Variants in ANK3 observed in about 807,000 individuals in gnomAD.
ANK3 encodes the protein ankyrin 3, also known as ankyrin-3.
A neutral mutation model predicts 370.9 loss-of-function variants in ANK3; 57 were observed. The ratio of observed to expected loss-of-function variants is 0.15; its 90% confidence interval spans 0.12 to 0.19. The LOEUF is 0.19. ANK3 is among the 10% of genes least tolerant of loss of function. The pLI, the probability that ANK3 is intolerant of heterozygous loss-of-function variation, is 1.00. For missense variants in ANK3, 4,439 were observed against 5,302.1 expected (o/e 0.84, Z 5.06); for synonymous variants, 1,929 against 1,946.3 (o/e 0.99, Z 0.23).
At chr10:60,458,652 G>A (rs2064810696) in intron 2 of ANK3, among the ~76,000 whole-genome samples, 1 of 152,136 alleles carries the variant, frequency 6.6e-6, no homozygotes, top group Admixed American at 6.6e-5. Context: ...TGGATGACTA[G>A]ATGAGAGAAA....
At chr10:60,109,916 C>G (rs2092563912) in intron 26 of ANK3, among the ~76,000 whole-genome samples, 1 of 152,160 alleles carries the variant, frequency 6.6e-6, no homozygotes, top group South Asian at 2.1e-4. Context: ...AGAGTTATAA[C>G]ACAGTTATCG....
chr10:60,104,525 G>A (rs2091900733), intron 28 of ANK3, among the ~76,000 whole-genome samples: 1 of 151,954 alleles, frequency 6.6e-6, no homozygotes, highest in African/African-American at 2.4e-5. Context: ...CTTATAAGTG[G>A]AATTAAAACC....
At chr10:60,514,626 G>A (rs1228098845) in intron 2 of ANK3, among the ~76,000 whole-genome samples, 1 of 151,878 alleles carries the variant, frequency 6.6e-6, no homozygotes, top group East Asian at 1.9e-4. Flanking sequence ...AAACAAATAG[G>A]AAAAACACAA....
chr10:60,465,807 C>CA (rs2064999491), intron 2 of ANK3, among the ~76,000 whole-genome samples: 1 of 76,652 alleles, frequency 1.3e-5, no homozygotes, highest in Non-Finnish European at 2.7e-5. Context: ...TTTTTTTTTT[C>CA]AAAAAAAGAG....
intron 25 of ANK3, among the ~76,000 whole-genome samples, chr10:60,115,515 C>T (rs2093021647): frequency 6.6e-6 from 1 of 152,138 alleles, no homozygotes; most frequent in African/African-American, 2.4e-5. Flanking sequence ...CCCAGGCCAT[C>T]CCGATTCTGA....
At chr10:60,370,117 A>G (rs956832359) in intron 1 of ANK3, among the ~76,000 whole-genome samples, 2 of 152,206 alleles carry the variant, frequency 1.3e-5, no homozygotes, top group Non-Finnish European at 2.9e-5. Flanking sequence ...CAATCTTTCA[A>G]TAAAGGTAGC....
chr10:60,288,843 C>T (rs932574895), intron 1 of ANK3, among the ~76,000 whole-genome samples: 2 of 150,902 alleles, frequency 1.3e-5, no homozygotes, highest in East Asian at 3.9e-4. Context: ...TCTGTGGGTC[C>T]TTGTTGTCAA....
intron 43 of ANK3, among the ~76,000 whole-genome samples, chr10:60,038,132 C>T (rs886881461): frequency 6.6e-6 from 1 of 152,180 alleles, no homozygotes; most frequent in Non-Finnish European, 1.5e-5. Flanking sequence ...CACAGTGGCT[C>T]ACGCCCGTAA....
intron 1 of ANK3, among the ~76,000 whole-genome samples, chr10:60,386,363 T>C (rs958828441): frequency 2.0e-5 from 3 of 151,958 alleles, no homozygotes; most frequent in African/African-American, 7.3e-5. Context: ...CAAACTTTTT[T>C]TTTTCAAGCC....
intron 9 of ANK3, among the ~76,000 whole-genome samples, chr10:60,208,884 G>C (rs970974791): frequency 5.9e-5 from 9 of 152,158 alleles, no homozygotes; most frequent in Non-Finnish European, 1.3e-4. Context: ...ATGTGTCTAT[G>C]ATGAGGAAAG....
intron 23 of ANK3, among the ~76,000 whole-genome samples, chr10:60,149,261 T>C (rs1038433214): frequency 7.2e-5 from 11 of 152,154 alleles, no homozygotes; most frequent in Non-Finnish European, 2.9e-5. Flanking sequence ...CTCTCACTCC[T>C]CTTGCTCCTA....
chr10:60,127,858 C>T (rs1440984144), intron 25 of ANK3, among the ~76,000 whole-genome samples: 6 of 151,170 alleles, frequency 4.0e-5, no homozygotes, highest in East Asian at 3.9e-4. Flanking sequence ...CCACCATGCC[C>T]GGCTAATTTT....
intron 2 of ANK3, among the ~76,000 whole-genome samples, chr10:60,449,967 C>A (rs866065058): frequency 7.2e-6 from 1 of 138,456 alleles, no homozygotes; most frequent in South Asian, 2.8e-4. Context: ...TTTAGTGGTG[C>A]GATGGAAAGA....
Position 60,234,672 on chromosome 10 carries a change from TA to T in ANK3, c.897+15del. On this transcript the variant is annotated intron_variant, in intron 8 of 43. Transcript: ENST00000280772. ...CTGAATACAAGTAGAAGCAGGTACA[TA>T]AGTTGCACACTTACCCTGGTTTTGG... The T allele has an allele frequency of 6.5e-7, 1 of 1,540,220 alleles. No homozygotes were observed. The highest frequency in any genetic ancestry group is 9.0e-7 in the Non-Finnish European group (1 of 1,113,210).
At chr10:60,163,978 C>T (rs1565405353) in intron 23 of ANK3, among the ~76,000 whole-genome samples, 2 of 152,166 alleles carry the variant, frequency 1.3e-5, no homozygotes. Context: ...TTTGCCACAG[C>T]TGCATAGGAG....
At chr10:60,177,843 G>T (rs969853260) in intron 18 of ANK3, among the ~76,000 whole-genome samples, 1 of 151,892 alleles carries the variant, frequency 6.6e-6, no homozygotes, top group African/African-American at 2.4e-5. Flanking sequence ...CTCGTGATCT[G>T]GCCGCCGCGG....
chr10:60,205,713 G>A (rs1375673027), intron 11 of ANK3, 79 bp downstream of exon 11: 1 of 1,035,520 alleles, frequency 9.7e-7, no homozygotes, highest in East Asian at 2.4e-5. Context: ...GCTGGTCCCT[G>A]GAGATGGCCC....
chr10:60,208,002 A>G (rs2096791730), intron 10 of ANK3, 34 bp downstream of exon 10: 1 of 1,590,724 alleles, frequency 6.3e-7, no homozygotes, highest in African/African-American at 1.3e-5. Flanking sequence ...TGAGCAAGAC[A>G]ACTGAGGCTG....
At chr10:60,159,014 A>C (rs181466756) in intron 23 of ANK3, among the ~76,000 whole-genome samples, 1 of 152,164 alleles carries the variant, frequency 6.6e-6, no homozygotes, top group African/African-American at 2.4e-5. Context: ...AAAGACAAGA[A>C]GGAAGAAAGG....
Sources: allele counts gnomAD v4.1 joint callset (sites outside exome capture counted in the v4.1 genomes callset), GRCh38; gene constraint gnomAD v4.1.1; transcripts MANE v1.5; gene names NCBI Gene and HGNC (gene_info 2026-07-23, HGNC 2026-07-21).